Variants in CLASP2 observed in about 807,000 individuals in gnomAD.
The protein encoded by CLASP2 is cytoplasmic linker associated protein 2, also known as CLIP-associating protein 2.
In CLASP2, 47 loss-of-function variants were observed where a neutral mutation model predicts 194.4. The observed-to-expected ratio is 0.24, with a 90% CI of 0.19 to 0.31. The LOEUF is 0.31. CLASP2 is among the 10% of genes least tolerant of loss of function. The probability of loss-of-function intolerance (pLI) is 1.00; values close to 1 mark genes in which losing one functional copy is unlikely to be tolerated. For synonymous variants in CLASP2, 619 were observed against 633.5 expected (o/e 0.98, Z 0.34); for missense variants, 1,445 against 1,823.6 (o/e 0.79, Z 3.78).
At chr3:33,712,817 C>T (rs1010631778) in intron 1 of CLASP2, among the ~76,000 whole-genome samples, 1 of 151,626 alleles carries the variant, frequency 6.6e-6, no homozygotes, top group African/African-American at 2.4e-5. Flanking sequence ...ACAAAATAAG[C>T]CGGGCATGGT....
chr3:33,528,337 A>G lies in CLASP2; in HGVS notation c.3787+6896T>C, dbSNP rs139220576. Among the ~76,000 whole-genome samples the G allele has an allele frequency of 1.9e-3, 287 of 152,360 alleles. 2 individuals are homozygous for G. In the East Asian group the frequency reaches 0.046, roughly 24 times the overall value. On this transcript the variant is annotated intron_variant, in intron 34 of 38. Transcript: ENST00000682230. ...TGACAAACCCACAGCAGCCAACATT[A>G]TTCAAAATGGGCAAAAGCTGGAAGC...
chr3:33,682,249 T>C (rs969471337), intron 6 of CLASP2, among the ~76,000 whole-genome samples: 2 of 151,994 alleles, frequency 1.3e-5, no homozygotes, highest in Admixed American at 6.5e-5. Flanking sequence ...TATAGAATTA[T>C]ATGAAAAAAA....
intron 21 of CLASP2, 136 bp from the exon 22 acceptor site, chr3:33,585,056 G>T: frequency 1.6e-6 from 1 of 630,794 alleles, no homozygotes; most frequent in Non-Finnish European, 2.5e-6. Context: ...AAAGGAAATA[G>T]ACCGAGGAAG....
rs1268766833 is a variant in CLASP2 at position 33,517,146 on chromosome 3, A to G, written c.3816T>C (p.Val1272=). 6.2e-7 allele frequency: 1 copy of G among 1,613,026 alleles called. No individual in the cohort carries two copies. Among genetic ancestry groups the G allele is most frequent in the East Asian group, 2.2e-5 (1 of 44,782 alleles). ...DDLSLDHSDL[V]AELLKELSNH... ...TAGACAGCTCCTTCAACAACTCTGC[A>G]ACTAGGTCAGAATGATCTAGGGAAA... The change falls in exon 35 of 39, where the codon GTT becomes GTC. Residue 1272 remains valine, a synonymous_variant. Transcript: ENST00000682230.
intron 12 of CLASP2, among the ~76,000 whole-genome samples, chr3:33,615,278 G>GA (rs1008470835): frequency 8.8e-5 from 13 of 147,230 alleles, no homozygotes; most frequent in Admixed American, 4.8e-4. Flanking sequence ...ATGGGTAAGG[G>GA]AAAAAATGAC....
chr3:33,537,054 C>A (rs1182844864), intron 33 of CLASP2, among the ~76,000 whole-genome samples: 1 of 152,112 alleles, frequency 6.6e-6, no homozygotes, highest in East Asian at 1.9e-4. Flanking sequence ...GCAGTGATAT[C>A]CCTATTTTCT....
At chr3:33,551,530 GT>G in intron 29 of CLASP2, 135 bp from the exon 30 acceptor site, 1 of 858,396 alleles carries the variant, frequency 1.2e-6, no homozygotes, top group Non-Finnish European at 1.7e-6. Context: ...TGTTGGCAAG[GT>G]TGGTCTTGCG....
chr3:33,530,399 G>A (rs2055983764), intron 34 of CLASP2, among the ~76,000 whole-genome samples: 1 of 152,168 alleles, frequency 6.6e-6, no homozygotes, highest in South Asian at 2.1e-4. Flanking sequence ...CAGCCCAGGA[G>A]GGTGAGGCTG....
intron 12 of CLASP2, among the ~76,000 whole-genome samples, chr3:33,618,148 A>G (rs922455905): frequency 6.6e-5 from 10 of 151,452 alleles, no homozygotes; most frequent in African/African-American, 2.4e-4. Context: ...GGGTTTCTTC[A>G]TGTTGGTCGG....
chr3:33,651,325 G>C (rs982345618), intron 7 of CLASP2, among the ~76,000 whole-genome samples: 2 of 148,076 alleles, frequency 1.4e-5, no homozygotes, highest in Non-Finnish European at 3.0e-5. Context: ...GGAGGCTGCA[G>C]TGAGCCAAGA....
intron 6 of CLASP2, among the ~76,000 whole-genome samples, chr3:33,678,283 G>A (rs542959022): frequency 2.0e-5 from 3 of 151,928 alleles, no homozygotes; most frequent in Admixed American, 1.3e-4. Flanking sequence ...AGAACACCAA[G>A]CAGAACAAAT....
At chr3:33,649,475 C>T (rs1253961064) in intron 7 of CLASP2, among the ~76,000 whole-genome samples, 1 of 152,122 alleles carries the variant, frequency 6.6e-6, no homozygotes, top group African/African-American at 2.4e-5. Context: ...CCAGTGAAAG[C>T]ATTACTAAGT....
chr3:33,691,566 TTCA>T (rs1381918102), intron 2 of CLASP2, among the ~76,000 whole-genome samples: 1 of 152,168 alleles, frequency 6.6e-6, no homozygotes, highest in Non-Finnish European at 1.5e-5. Context: ...TGAGGCAACG[TTCA>T]TCAATAGGAA....
chr3:33,558,647 A>G (rs921085101), intron 29 of CLASP2: 2 of 152,134 alleles, frequency 1.3e-5, no homozygotes, highest in Non-Finnish European at 2.9e-5. Flanking sequence ...GTGTGTATAT[A>G]ACAAACGAGA....
Position 33,636,342 on chromosome 3 carries a change from C to A in CLASP2, c.863-3971G>T, listed in dbSNP as rs564173544. ...TGAAAATCCAATATATCATCATAAA[C>A]AAAATAATCTGACATCTATACTGTG... On this transcript the variant is annotated intron_variant, in intron 8 of 38. Coordinates refer to ENST00000682230, the MANE Select transcript of CLASP2 (RefSeq NM_001365631.1). Among the ~76,000 whole-genome samples, 14 of 151,760 alleles carry A rather than the reference C, an allele frequency of 9.2e-5. No homozygotes were observed. The East Asian group carries it at 2.3e-3, about 25-fold the overall frequency.
intron 23 of CLASP2, chr3:33,576,492 G>A (rs1166209515): frequency 6.2e-6 from 3 of 486,916 alleles, no homozygotes; most frequent in African/African-American, 2.0e-5. Flanking sequence ...AATAAAGAAC[G>A]GTCACTATTC....
chr3:33,680,121 A>G (rs981477298), intron 6 of CLASP2, among the ~76,000 whole-genome samples: 36 of 152,230 alleles, frequency 2.4e-4, no homozygotes, highest in African/African-American at 8.2e-4. Context: ...AAAGAAGACA[A>G]TTTGAAAAAG....
At chr3:33,585,889 C>T (rs2067253105) in intron 21 of CLASP2, among the ~76,000 whole-genome samples, 1 of 151,972 alleles carries the variant, frequency 6.6e-6, no homozygotes, top group Non-Finnish European at 1.5e-5. Flanking sequence ...AAATAGTTTG[C>T]CTGCTGAGAT....
chr3:33,700,626 A>T (rs2092309605), intron 1 of CLASP2, among the ~76,000 whole-genome samples: 1 of 152,018 alleles, frequency 6.6e-6, no homozygotes. Context: ...CAGGCAGATC[A>T]CCTGAGGTCA....
Sources: gnomAD v4.1 joint callset for allele counts (sites outside exome capture counted in the v4.1 genomes callset) on GRCh38, gnomAD v4.1.1 for gene constraint, MANE v1.5 for transcripts, NCBI Gene and HGNC (gene_info 2026-07-23, HGNC 2026-07-21) for gene names.